DLGAP1: variants seen among roughly 807,000 people sequenced by gnomAD.
The protein encoded by DLGAP1 is disks large-associated protein 1.
In DLGAP1, 11 loss-of-function variants were observed where a neutral mutation model predicts 90.8. The observed-to-expected ratio is 0.12, with a 90% confidence interval of 0.08 to 0.20. The LOEUF (loss-of-function observed/expected upper bound fraction) is 0.20. Ranked by LOEUF, DLGAP1 falls within the 10% of genes least tolerant of loss-of-function variation. DLGAP1 has a pLI of 1.00. For missense variants in DLGAP1, 1,050 were observed against 1,333.8 expected, an observed-to-expected ratio of 0.79 and a Z score of 3.31; for synonymous variants, 558 against 540.7, an observed-to-expected ratio of 1.03 and a Z score of -0.44.
At chr18:4,103,801 G>C (rs1402838664) in intron 2 of DLGAP1, among the ~76,000 whole-genome samples, 1 of 151,994 alleles carries the variant, frequency 6.6e-6, no homozygotes, top group Non-Finnish European at 1.5e-5. Context: ...TATTTTTTCA[G>C]AATCAAATAA....
intron 3 of DLGAP1, among the ~76,000 whole-genome samples, chr18:3,931,057 G>A (rs2072504907): frequency 6.6e-6 from 1 of 152,162 alleles, no homozygotes; most frequent in Admixed American, 6.5e-5. Flanking sequence ...GCTTCTGGGT[G>A]TAGTCACTGT....
intron 5 of DLGAP1, among the ~76,000 whole-genome samples, chr18:3,797,484 T>G (rs909957093): frequency 2.6e-5 from 4 of 151,950 alleles, no homozygotes; most frequent in Non-Finnish European, 5.9e-5. Context: ...CTCTAGAAAA[T>G]AAACTTTTGT....
At chr18:3,860,013 G>A (rs1374984975) in intron 4 of DLGAP1, among the ~76,000 whole-genome samples, 2 of 151,824 alleles carry the variant, frequency 1.3e-5, no homozygotes, top group African/African-American at 4.8e-5. Context: ...GCAGGAGAAT[G>A]GCGTGAACCT....
At chr18:3,999,836 G>A (rs1599298779) in intron 3 of DLGAP1, among the ~76,000 whole-genome samples, 1 of 152,260 alleles carries the variant, frequency 6.6e-6, no homozygotes, top group Non-Finnish European at 1.5e-5. Context: ...TTCTGAGACA[G>A]GGTCTCGCTC....
chr18:4,163,567 T>TGTGC (rs2144526142), intron 1 of DLGAP1, among the ~76,000 whole-genome samples: 1 of 152,338 alleles, frequency 6.6e-6, no homozygotes, highest in South Asian at 2.1e-4. Flanking sequence ...AGAAGTAAAT[T>TGTGC]GTGCACATAC....
chr18:3,544,896 A>T (rs1390744627), intron 9 of DLGAP1, among the ~76,000 whole-genome samples: 1 of 151,958 alleles, frequency 6.6e-6, no homozygotes, highest in Non-Finnish European at 1.5e-5. Context: ...CAGTGTATAC[A>T]GTTCAATAAA....
At chr18:4,123,698 C>T (rs188622099) in intron 2 of DLGAP1, among the ~76,000 whole-genome samples, 1,802 of 152,232 alleles carry the variant, frequency 0.012, 18 homozygotes, top group Non-Finnish European at 0.017. Flanking sequence ...CAGCAATTGC[C>T]CTGCGAATAC....
intron 2 of DLGAP1, among the ~76,000 whole-genome samples, chr18:4,039,257 A>G (rs2074939106): frequency 6.6e-6 from 1 of 152,086 alleles, no homozygotes. Flanking sequence ...TCCCTCTCTG[A>G]CCCAGGCCCC....
chr18:3,600,937 TAG>T lies in DLGAP1; in HGVS notation c.1592-18691_1592-18690del, dbSNP rs373588582. Among the ~76,000 whole-genome samples, 34 of 65,050 alleles carry T rather than the reference TAG, an allele frequency of 5.2e-4. 2 individuals carry two copies. Among genetic ancestry groups the T allele is most frequent in the Admixed American group, 7.0e-4 (5 of 7,138 alleles). The allele number at this position is 65,050 out of a possible 152,430, so 42.7% of individuals were successfully genotyped here. On this transcript the variant is annotated intron_variant, in intron 7 of 12. Coordinates refer to ENST00000315677, the MANE Select transcript of DLGAP1 (RefSeq NM_004746.4). ...ATAGATATAGATATATATAGATATATAGATAGATATATAGATATATATAGATA... is the reference window on the plus strand; with the variant it reads ...ATAGATATAGATATATATAGATATATATAGATATATAGATATATATAGATA...
At chr18:4,384,088 A>G (rs2082183475) in intron 1 of DLGAP1, among the ~76,000 whole-genome samples, 1 of 152,182 alleles carries the variant, frequency 6.6e-6, no homozygotes, top group South Asian at 2.1e-4. Context: ...ACTTACTCCT[A>G]AATTGAGTGC....
chr18:4,259,549 G>A (rs1352890842), intron 1 of DLGAP1, among the ~76,000 whole-genome samples: 1 of 152,172 alleles, frequency 6.6e-6, no homozygotes, highest in East Asian at 1.9e-4. Context: ...GTAGTGGCGA[G>A]GCTTAGTTTC....
At chr18:3,874,594 T>C (rs1408957394) in intron 4 of DLGAP1, 1 of 1,516,048 alleles carries the variant, frequency 6.6e-7, no homozygotes, top group Non-Finnish European at 8.8e-7. Flanking sequence ...ATTTTATTTA[T>C]TTAACTATTA....
chr18:3,834,534 A>G (rs1051931492), intron 4 of DLGAP1, among the ~76,000 whole-genome samples: 12 of 152,190 alleles, frequency 7.9e-5, no homozygotes, highest in African/African-American at 2.9e-4. Flanking sequence ...CTTGGCACAC[A>G]GTAGATGAGC....
chr18:4,406,481 G>T (rs145487484), intron 1 of DLGAP1, among the ~76,000 whole-genome samples: 18 of 152,234 alleles, frequency 1.2e-4, no homozygotes, highest in African/African-American at 4.3e-4. Context: ...TATTTTAATC[G>T]GTGAAACAAC....
chr18:3,534,212 T>C lies in DLGAP1; in HGVS notation c.2461A>G (p.Asn821Asp). The C allele has an allele frequency of 1.2e-6, 2 of 1,613,776 alleles. No individual in the cohort carries two copies. The highest frequency in any genetic ancestry group is 1.7e-6 in the Non-Finnish European group (2 of 1,179,784). The change falls in exon 10 of 13, where the codon AAC (asparagine) becomes GAC (aspartate). Residue 821 changes from asparagine (N) to aspartate (D), a missense_variant. This residue lies in a region of DLGAP1 where 565 missense variants were observed against 879.7 expected (regional missense o/e 0.64). Transcript: ENST00000315677. ...CQQMEREERE[N>D]NLPEDILGKI... is the part of the protein sequence containing the mutation. ...TACTTACTGTCTTCGGGCAGGTTGT[T>C]TTCCCGTTCTTCCCGCTCCATCTGT...
Position 3,600,741 on chromosome 18 carries a change from T to TATATACAG in DLGAP1, c.1592-18494_1592-18493insCTGTATAT, listed in dbSNP as rs2056872826. Among the ~76,000 whole-genome samples the TATATACAG allele has an allele frequency of 4.1e-5, 2 of 48,974 alleles. 1 individual carries two copies. Among genetic ancestry groups the TATATACAG allele is most frequent in the Non-Finnish European group, 6.5e-5 (2 of 30,890 alleles). The allele number at this position is 48,974 out of a possible 152,430, so 32.1% of individuals were successfully genotyped here. ...ATATAGAGATATAGATATATATAGA[T>TATATACAG]ATATAGATATATATAGATATATAGA... On this transcript the variant is annotated intron_variant, in intron 7 of 12. Transcript: ENST00000315677.
intron 7 of DLGAP1, among the ~76,000 whole-genome samples, chr18:3,664,212 A>ACACC (rs2059794363): frequency 1.6e-5 from 2 of 127,078 alleles, no homozygotes; most frequent in East Asian, 2.0e-4. Flanking sequence ...ACACACACAC[A>ACACC]CACACCCACA....
chr18:3,772,384 CTTT>C lies in DLGAP1; in HGVS notation c.1173-29875_1173-29873del, dbSNP rs1568109385. The stretch of plus-strand genomic sequence containing the variant: ...TCTTTCTTTCTTTCTTTCTTTCTTT[CTTT>C]CTTTCTTTCTTTCTTTCTTTCTCTT... On this transcript the variant is annotated intron_variant, in intron 5 of 12. Transcript: ENST00000315677. Among the ~76,000 whole-genome samples, 17 of 20,424 alleles carry C rather than the reference CTTT, an allele frequency of 8.3e-4. 1 individual carries two copies. Among genetic ancestry groups the C allele is most frequent in the Non-Finnish European group, 2.5e-4 (2 of 8,112 alleles). 13.4% of individuals were successfully genotyped at this position (20,424 alleles called of 152,430 possible). A position where few individuals can be genotyped will look rare whatever the true frequency, so the allele number is the denominator to read the frequency against.
chr18:3,524,004 C>A (rs1404124084), intron 10 of DLGAP1, among the ~76,000 whole-genome samples: 1 of 152,200 alleles, frequency 6.6e-6, no homozygotes, highest in African/African-American at 2.4e-5. Flanking sequence ...TGCATTTGCT[C>A]TTCTCTGTAA....
Sources: allele counts gnomAD v4.1 joint callset (sites outside exome capture counted in the v4.1 genomes callset), GRCh38; gene constraint gnomAD v4.1.1; regional missense constraint gnomAD v4.1.1; transcripts MANE v1.5; gene names NCBI Gene and HGNC (gene_info 2026-07-23, HGNC 2026-07-21).